The following VAV3 variants were observed in gnomAD, a reference collection of about 807,000 sequenced individuals.
VAV3 encodes guanine nucleotide exchange factor VAV3.
In VAV3, 94 loss-of-function variants were observed where a neutral mutation model predicts 131.2. The observed-to-expected ratio is 0.72, with a 90% CI of 0.61 to 0.85. VAV3 has a LOEUF of 0.85. Among genes scored for constraint, VAV3 ranks in the 40% least tolerant of loss-of-function variants. VAV3 has a pLI of 0.00. For missense variants in VAV3, 939 were observed against 1,002.7 expected (o/e 0.94, Z 0.86); for synonymous variants, 349 against 342.0 (o/e 1.02, Z -0.22).
intron 15 of VAV3, among the ~76,000 whole-genome samples, chr1:107,717,152 C>T (rs1429734693): frequency 1.3e-5 from 2 of 151,878 alleles, no homozygotes; most frequent in Admixed American, 6.6e-5. Context: ...GTCTTGCTAG[C>T]AGTCTATCTA....
chr1:107,572,070 TCTTAA>T lies in VAV3; in HGVS notation c.*1256_*1260del, dbSNP rs543609836. Reference sequence around the variant, plus strand: ...CCATCAGGAAAGGGCCAAGTTAGTGTCTTAACTTGACTGCCTTGAATGGGGACTCT... The same window carrying T: ...CCATCAGGAAAGGGCCAAGTTAGTGTCTTGACTGCCTTGAATGGGGACTCT... On this transcript the variant is annotated 3_prime_UTR_variant, in exon 27 of 27. Coordinates refer to ENST00000370056, the MANE Select transcript of VAV3 (RefSeq NM_006113.5). 1.1e-3 allele frequency: 160 copies of T among 152,310 alleles called. No homozygotes were observed. Among genetic ancestry groups the T allele is most frequent in the African/African-American group, 3.8e-3 (156 of 41,562 alleles). 9.4% of individuals were successfully genotyped at this position (152,310 alleles called of 1,614,324 possible). A position where few individuals can be genotyped will look rare whatever the true frequency, so the allele number is the denominator to read the frequency against.
chr1:107,892,937 T>A (rs189749578), intron 1 of VAV3, among the ~76,000 whole-genome samples: 2 of 152,324 alleles, frequency 1.3e-5, no homozygotes, highest in Admixed American at 6.5e-5. Flanking sequence ...AGGTTTAACA[T>A]TAGGCTGAGC....
At chr1:107,720,948 C>T (rs1661459364) in intron 15 of VAV3, among the ~76,000 whole-genome samples, 1 of 152,064 alleles carries the variant, frequency 6.6e-6, no homozygotes, top group African/African-American at 2.4e-5. Context: ...ATTGGCTATC[C>T]TATTCTTGGA....
At chr1:107,812,372 T>C (rs905208612) in intron 2 of VAV3, among the ~76,000 whole-genome samples, 1 of 152,166 alleles carries the variant, frequency 6.6e-6, no homozygotes, top group African/African-American at 2.4e-5. Flanking sequence ...AACTCCTATT[T>C]GTGTCACACG....
chr1:107,874,967 C>T lies in VAV3; in HGVS notation c.255G>A (p.Thr85=), dbSNP rs563011711. ...AAAGTTCACTTTTCCTCATTCCAAA[C>T]GTCTCACAACAGGCCGTGAGAAATG... ...IRTFLTACCE[T]FGMRKSELFE... is the part of the protein sequence containing the mutation. Residue 85 remains threonine, a synonymous_variant, in exon 2 of 27, where the codon ACG becomes ACA. Coordinates refer to ENST00000370056, the MANE Select transcript of VAV3 (RefSeq NM_006113.5). 9 of 1,613,348 alleles carry T rather than the reference C, an allele frequency of 5.6e-6. No homozygotes were observed. Among genetic ancestry groups the T allele is most frequent in the South Asian group, 2.2e-5 (2 of 91,062 alleles).
At chr1:107,802,845 C>G (rs1666888444) in intron 2 of VAV3, among the ~76,000 whole-genome samples, 1 of 147,374 alleles carries the variant, frequency 6.8e-6, no homozygotes, top group Non-Finnish European at 1.5e-5. Flanking sequence ...GTGATGTTAG[C>G]TTTGTGGAAT....
At chr1:107,587,826 AAAT>A (rs1184582802) in intron 25 of VAV3, among the ~76,000 whole-genome samples, 1 of 152,166 alleles carries the variant, frequency 6.6e-6, no homozygotes, top group Non-Finnish European at 1.5e-5. Context: ...TCCTAACCTC[AAAT>A]GATCCACCTG....
chr1:107,664,312 C>T (rs534881019), intron 19 of VAV3, among the ~76,000 whole-genome samples: 1 of 147,282 alleles, frequency 6.8e-6, no homozygotes, highest in Non-Finnish European at 1.5e-5. Flanking sequence ...TTAAGCTCAG[C>T]TTCCATTACC....
chr1:107,773,120 T>C (rs995117113), intron 4 of VAV3, among the ~76,000 whole-genome samples: 7 of 152,206 alleles, frequency 4.6e-5, no homozygotes, highest in Non-Finnish European at 7.3e-5. Flanking sequence ...CTTACATAAT[T>C]CATCCAACAT....
chr1:107,744,001 T>C (rs1252749660), intron 15 of VAV3, among the ~76,000 whole-genome samples: 1 of 152,226 alleles, frequency 6.6e-6, no homozygotes, highest in Non-Finnish European at 1.5e-5. Flanking sequence ...TCAGATTAAA[T>C]GTGATTTGTG....
At chr1:107,870,322 G>A (rs56161040) in intron 2 of VAV3, among the ~76,000 whole-genome samples, 5,574 of 152,100 alleles carry the variant, frequency 0.037, 127 homozygotes, top group Middle Eastern at 0.11. Flanking sequence ...TCTTAATTAT[G>A]GCCATTCTTG....
At chr1:107,786,357 G>A (rs187224370) in intron 2 of VAV3, among the ~76,000 whole-genome samples, 63 of 152,294 alleles carry the variant, frequency 4.1e-4, no homozygotes, top group Non-Finnish European at 7.2e-4. Flanking sequence ...TAGAAGTGCA[G>A]GCTCAGAAGT....
intron 9 of VAV3, among the ~76,000 whole-genome samples, 187 bp downstream of exon 9, chr1:107,764,889 G>T (rs1015552501): frequency 2.6e-4 from 40 of 152,188 alleles, no homozygotes; most frequent in Middle Eastern, 3.4e-3. Flanking sequence ...ATAAATGTTA[G>T]ATTTTTAACG....
At chr1:107,632,205 A>T (rs575255632) in intron 20 of VAV3, among the ~76,000 whole-genome samples, 35 of 152,300 alleles carry the variant, frequency 2.3e-4, no homozygotes, top group African/African-American at 8.4e-4. Context: ...CAATTAGATA[A>T]TCAAATCAAT....
intron 2 of VAV3, among the ~76,000 whole-genome samples, chr1:107,791,945 G>A (rs971098432): frequency 7.9e-5 from 12 of 152,190 alleles, no homozygotes; most frequent in African/African-American, 2.7e-4. Flanking sequence ...GCAGGTAAAT[G>A]ACAACCTACA....
At chr1:107,834,684 C>T (rs975559377) in intron 2 of VAV3, among the ~76,000 whole-genome samples, 10 of 150,888 alleles carry the variant, frequency 6.6e-5, no homozygotes, top group African/African-American at 2.4e-4. Context: ...TTGAGTAAAC[C>T]AACATACTTT....
chr1:107,818,365 GT>G (rs575714949), intron 2 of VAV3, among the ~76,000 whole-genome samples: 47 of 146,512 alleles, frequency 3.2e-4, no homozygotes, highest in East Asian at 7.9e-4. Flanking sequence ...ACCCAGTGCA[GT>G]TTTTTTTTTT....
chr1:107,633,650 T>A (rs910743306), intron 20 of VAV3, among the ~76,000 whole-genome samples: 23 of 152,106 alleles, frequency 1.5e-4, no homozygotes, highest in Non-Finnish European at 4.4e-5. Context: ...ATGTCTTGCT[T>A]TAACCAAAAA....
chr1:107,771,533 G>A (rs139424305), intron 5 of VAV3, among the ~76,000 whole-genome samples: 10 of 152,298 alleles, frequency 6.6e-5, no homozygotes, highest in African/African-American at 2.2e-4. Flanking sequence ...GATTACAAGC[G>A]CGAGCTACCG....
Sources: allele counts gnomAD v4.1 joint callset (sites outside exome capture counted in the v4.1 genomes callset), GRCh38; gene constraint gnomAD v4.1.1; transcripts MANE v1.5; gene names NCBI Gene and HGNC (gene_info 2026-07-23, HGNC 2026-07-21).